Variants in SPRY3 observed in about 807,000 individuals in gnomAD.
SPRY3 encodes the protein sprouty RTK signaling antagonist 3.
Under a neutral mutation model 20.2 loss-of-function variants are expected in SPRY3, and 15 were observed. That is an observed-to-expected ratio of 0.74 (90% CI 0.50 to 1.14). SPRY3 has a LOEUF of 1.14. SPRY3 is among the 50% of genes most tolerant of loss of function. The pLI, the probability that SPRY3 is intolerant of heterozygous loss-of-function variation, is 0.00. For missense variants in SPRY3, 364 were observed against 363.9 expected (o/e 1.00, Z 0.00); for synonymous variants, 143 against 136.5 (o/e 1.05, Z -0.33).
intron 2 of SPRY3, among the ~76,000 whole-genome samples, chrX:155,707,477 A>G (rs1377983321): frequency 1.3e-5 from 2 of 151,260 alleles, no homozygotes; most frequent in Non-Finnish European, 3.0e-5. Flanking sequence ...ATGTTCTAAA[A>G]TGTCAGGTCA....
At chrX:155,679,921 T>C (rs964653602) in intron 2 of SPRY3, among the ~76,000 whole-genome samples, 2 of 109,654 alleles carry the variant, frequency 1.8e-5, no homozygotes, top group Non-Finnish European at 3.8e-5. Flanking sequence ...TTCAAGGCAA[T>C]GGAAACAGTA....
chrX:155,716,910 G>A (rs1434116164), intron 2 of SPRY3, among the ~76,000 whole-genome samples: 10 of 147,994 alleles, frequency 6.8e-5, no homozygotes, highest in Non-Finnish European at 1.3e-4. Flanking sequence ...GAGGCGGGCG[G>A]ATTGCCTGAG....
intron 2 of SPRY3, among the ~76,000 whole-genome samples, chrX:155,670,370 T>C (rs1256467032): frequency 2.7e-5 from 3 of 112,208 alleles, no homozygotes; most frequent in Non-Finnish European, 5.7e-5. Flanking sequence ...TGTCCAATTC[T>C]TTCCCTCTGG....
chrX:155,781,134 G>A (rs946515081), downstream of SPRY3: 74 of 166,834 alleles, frequency 4.4e-4, no homozygotes, highest in Non-Finnish European at 6.3e-4. Context: ...AGAGATGGGT[G>A]GAGACTTGGC....
intron 2 of SPRY3, among the ~76,000 whole-genome samples, chrX:155,736,072 A>G (rs2091167216): frequency 6.6e-6 from 1 of 151,974 alleles, no homozygotes; most frequent in African/African-American, 2.4e-5. Context: ...TGGTTCACAG[A>G]AAGTGCAGGT....
intron 2 of SPRY3, among the ~76,000 whole-genome samples, chrX:155,659,172 T>C (rs1169229632): frequency 9.7e-6 from 1 of 103,090 alleles, no homozygotes; most frequent in Non-Finnish European, 2.0e-5. Flanking sequence ...TGAGACAGAG[T>C]CTCGCTCTGT....
chrX:155,738,984 CTGGCCAGAGGCAGCAGGCTGGAGA>C (rs761602598), intron 2 of SPRY3, among the ~76,000 whole-genome samples: 149 of 152,302 alleles, frequency 9.8e-4, no homozygotes, highest in African/African-American at 3.3e-3. Flanking sequence ...AGAATTCCAG[CTGGCCAGAGGCAGCAGGCTGGAGA>C]TGGCCAGAGG....
chrX:155,728,035 C>A (rs1224050256), intron 2 of SPRY3, among the ~76,000 whole-genome samples: 1 of 152,082 alleles, frequency 6.6e-6, no homozygotes, highest in Admixed American at 6.5e-5. Flanking sequence ...GTTAGTTTTC[C>A]TTCTGACAGT....
At position 155,734,577 on chromosome X, in the gene SPRY3, A is replaced by G. The variant is rs187446589; in HGVS notation, c.-281-33385A>G. ...AGAATTACCCAAATGTGACACTGAG[A>G]CATGAAGTGAGTACATGCTGTTAGA... On this transcript the variant is annotated intron_variant, in intron 2 of 3. Coordinates refer to ENST00000675360, the Ensembl canonical transcript of SPRY3. 3.3e-5 allele frequency among the ~76,000 whole-genome samples: 5 copies of G among 152,182 alleles called. No homozygotes were observed. In the East Asian group the frequency reaches 9.6e-4, roughly 29 times the overall value.
At chrX:155,631,153 G>A (rs1450172940) in intron 1 of SPRY3, among the ~76,000 whole-genome samples, 2 of 111,086 alleles carry the variant, frequency 1.8e-5, no homozygotes, top group East Asian at 5.6e-4. Context: ...ATGTCCATGT[G>A]TGCTCAGTGT....
chrX:155,779,015 T>A (rs1253915885), downstream of SPRY3: 1 of 167,018 alleles, frequency 6.0e-6, no homozygotes, highest in Non-Finnish European at 1.5e-5. Flanking sequence ...CCACAGTCTG[T>A]TCCTTGGCAA....
intron 2 of SPRY3, among the ~76,000 whole-genome samples, chrX:155,679,713 A>G (rs181126865): frequency 6.7e-4 from 75 of 112,135 alleles, no homozygotes; most frequent in Non-Finnish European, 1.3e-3. Flanking sequence ...TAGTCATTAA[A>G]TAATTACATA....
At chrX:155,713,886 C>A (rs1320188629) in intron 2 of SPRY3, among the ~76,000 whole-genome samples, 1 of 151,816 alleles carries the variant, frequency 6.6e-6, no homozygotes, top group African/African-American at 2.4e-5. Flanking sequence ...TTTTTTTATT[C>A]TTTTTTATTT....
chrX:155,624,178 T>A (rs1285443070), intron 1 of SPRY3, among the ~76,000 whole-genome samples: 1 of 111,788 alleles, frequency 8.9e-6, no homozygotes, highest in African/African-American at 3.2e-5. Context: ...AGCAAAATGG[T>A]TTATTTTTGG....
exon 4 of SPRY3, chrX:155,775,589 G>A (rs2091419863): frequency 6.0e-6 from 1 of 167,074 alleles, no homozygotes; most frequent in African/African-American, 2.4e-5. Flanking sequence ...ACTCTCACCT[G>A]TTCGTGAGCG....
chrX:155,705,170 T>C (rs1211260194), intron 2 of SPRY3, among the ~76,000 whole-genome samples: 3 of 151,496 alleles, frequency 2.0e-5, no homozygotes, highest in Non-Finnish European at 4.4e-5. Flanking sequence ...AAAAATATAA[T>C]AATTTATTGT....
At chrX:155,669,318 A>T (rs782090089) in intron 2 of SPRY3, among the ~76,000 whole-genome samples, 2 of 111,419 alleles carry the variant, frequency 1.8e-5, no homozygotes, top group South Asian at 7.4e-4. Context: ...TATTTTTTGT[A>T]TAGCCACCTT....
intron 2 of SPRY3, among the ~76,000 whole-genome samples, chrX:155,696,581 C>A (rs751986718): frequency 9.0e-6 from 1 of 111,530 alleles, no homozygotes; most frequent in African/African-American, 3.3e-5. Flanking sequence ...TGTAGTTGGG[C>A]AGACAATAAT....
chrX:155,767,570 G>A (rs2091341364), intron 2 of SPRY3, among the ~76,000 whole-genome samples: 2 of 147,538 alleles, frequency 1.4e-5, no homozygotes, highest in Non-Finnish European at 3.0e-5. Flanking sequence ...GGGGGAGGAG[G>A]TAAAGGAGGA....
Sources: gnomAD v4.1 joint callset for allele counts (sites outside exome capture counted in the v4.1 genomes callset) on GRCh38, gnomAD v4.1.1 for gene constraint, MANE v1.5 for transcripts, NCBI Gene and HGNC (gene_info 2026-07-23, HGNC 2026-07-21) for gene names.